CNTNAP5: variants seen among roughly 807,000 people sequenced by gnomAD.
CNTNAP5 encodes the protein contactin-associated protein-like 5.
CNTNAP5 carries 72 observed loss-of-function variants against 150.2 expected under a neutral mutation model. That is an observed-to-expected ratio of 0.48 (90% CI 0.40 to 0.58). The LOEUF is 0.58. CNTNAP5 is among the 20% of genes least tolerant of loss of function. The pLI, the probability that CNTNAP5 is intolerant of heterozygous loss-of-function variation, is 0.00. For synonymous variants in CNTNAP5, 672 were observed against 619.8 expected (o/e 1.08, Z -1.25); for missense variants, 1,636 against 1,626.2 (o/e 1.01, Z -0.10).
At chr2:124,834,775 T>C (rs1682794176) in intron 19 of CNTNAP5, among the ~76,000 whole-genome samples, 1 of 123,638 alleles carries the variant, frequency 8.1e-6, no homozygotes, top group Admixed American at 1.0e-4. Context: ...TAAAGATACC[T>C]TTAAAATATT....
chr2:124,769,406 C>T (rs973054753), intron 16 of CNTNAP5, among the ~76,000 whole-genome samples: 7 of 151,918 alleles, frequency 4.6e-5, no homozygotes, highest in African/African-American at 1.5e-4. Context: ...CCCTGAAAGG[C>T]TAAGACTCCT....
chr2:124,756,220 C>A (rs1172696803), intron 14 of CNTNAP5, among the ~76,000 whole-genome samples: 2 of 152,092 alleles, frequency 1.3e-5, no homozygotes, highest in Non-Finnish European at 2.9e-5. Context: ...CAATGAGATA[C>A]CATCTTATAC....
chr2:124,370,507 A>G (rs974412992), intron 3 of CNTNAP5, among the ~76,000 whole-genome samples: 1 of 152,174 alleles, frequency 6.6e-6, no homozygotes, highest in Non-Finnish European at 1.5e-5. Flanking sequence ...ACAGCTCTGG[A>G]CAGCAACTTT....
intron 3 of CNTNAP5, among the ~76,000 whole-genome samples, chr2:124,290,892 T>A (rs947462963): frequency 2.7e-5 from 4 of 150,930 alleles, no homozygotes; most frequent in Non-Finnish European, 4.4e-5. Context: ...ATTTATTTAT[T>A]TATTTATTTA....
At chr2:124,121,948 T>C (rs1224225189) in intron 1 of CNTNAP5, among the ~76,000 whole-genome samples, 2 of 152,190 alleles carry the variant, frequency 1.3e-5, no homozygotes, top group African/African-American at 2.4e-5. Context: ...CACCATTAAT[T>C]AGATTAATTG....
chr2:124,423,362 C>T (rs1692155897), intron 4 of CNTNAP5, among the ~76,000 whole-genome samples: 1 of 152,136 alleles, frequency 6.6e-6, no homozygotes, highest in Non-Finnish European at 1.5e-5. Context: ...CACATCTCAT[C>T]TGTATGTCCA....
intron 3 of CNTNAP5, among the ~76,000 whole-genome samples, chr2:124,266,186 C>T (rs1206993150): frequency 6.6e-6 from 1 of 152,140 alleles, no homozygotes; most frequent in African/African-American, 2.4e-5. Flanking sequence ...ATCCAATGGC[C>T]ATTGATATTA....
At chr2:124,491,150 G>C (rs1694014431) in intron 7 of CNTNAP5, among the ~76,000 whole-genome samples, 2 of 152,042 alleles carry the variant, frequency 1.3e-5, no homozygotes, top group Admixed American at 1.3e-4. Context: ...CTGTAAATTA[G>C]ATCCCAGGAA....
chr2:124,320,010 C>A (rs1240838953), intron 3 of CNTNAP5, among the ~76,000 whole-genome samples: 1 of 152,202 alleles, frequency 6.6e-6, no homozygotes, highest in East Asian at 1.9e-4. Context: ...CCAACTGATT[C>A]TGTTTTAATG....
chr2:124,743,543 G>A (rs998058233), intron 13 of CNTNAP5, among the ~76,000 whole-genome samples: 2 of 152,112 alleles, frequency 1.3e-5, no homozygotes, highest in Admixed American at 1.3e-4. Flanking sequence ...GGAGACAGGG[G>A]TTGCAGCTCA....
intron 19 of CNTNAP5, among the ~76,000 whole-genome samples, chr2:124,860,459 C>T (rs1240330918): frequency 2.5e-4 from 6 of 24,016 alleles, no homozygotes; most frequent in African/African-American, 7.8e-4. Flanking sequence ...TTCTTTCCTT[C>T]CTTCCTTCCT....
At chr2:124,633,745 A>C (rs1320593741) in intron 12 of CNTNAP5, among the ~76,000 whole-genome samples, 3 of 152,194 alleles carry the variant, frequency 2.0e-5, no homozygotes, top group African/African-American at 7.2e-5. Context: ...TTGCCTGGAC[A>C]TACAGGCTTT....
chr2:124,883,244 T>C (rs1028038947), intron 21 of CNTNAP5, among the ~76,000 whole-genome samples: 4 of 151,904 alleles, frequency 2.6e-5, no homozygotes, highest in African/African-American at 9.7e-5. Context: ...GTATTTTGTA[T>C]AGAGATGGGC....
intron 12 of CNTNAP5, among the ~76,000 whole-genome samples, chr2:124,640,652 T>C (rs143252408): frequency 1.2e-4 from 18 of 152,260 alleles, no homozygotes; most frequent in Non-Finnish European, 1.3e-4. Context: ...TTTACACCAA[T>C]TGTCTCCCTT....
chr2:124,894,810 C>T (rs954034378), intron 21 of CNTNAP5, among the ~76,000 whole-genome samples: 3 of 151,376 alleles, frequency 2.0e-5, no homozygotes, highest in African/African-American at 7.4e-5. Flanking sequence ...GCCTTGGCTT[C>T]CCAAAGTACT....
At chr2:124,696,387 A>G (rs546847640) in intron 13 of CNTNAP5, among the ~76,000 whole-genome samples, 1 of 152,278 alleles carries the variant, frequency 6.6e-6, no homozygotes, top group South Asian at 2.1e-4. Flanking sequence ...TTTCTATCCT[A>G]GAGAAATAAC....
At chr2:124,053,133 G>C (rs1681754386) in intron 1 of CNTNAP5, among the ~76,000 whole-genome samples, 1 of 151,922 alleles carries the variant, frequency 6.6e-6, no homozygotes, top group Non-Finnish European at 1.5e-5. Flanking sequence ...ATAAATGTTT[G>C]AGAACTGTCT....
chr2:124,448,308 G>A (rs919029306), intron 6 of CNTNAP5, among the ~76,000 whole-genome samples: 1 of 131,754 alleles, frequency 7.6e-6, no homozygotes, highest in African/African-American at 2.8e-5. Context: ...ATAAAGTTAT[G>A]TAAACTTGAA....
chr2:124,742,623 C>T (rs1680520364), intron 13 of CNTNAP5, among the ~76,000 whole-genome samples: 1 of 135,076 alleles, frequency 7.4e-6, no homozygotes, highest in Non-Finnish European at 1.7e-5. Flanking sequence ...ATTACACGCA[C>T]AGACACACAC....
Sources: gnomAD v4.1 joint callset for allele counts (sites outside exome capture counted in the v4.1 genomes callset) on GRCh38, gnomAD v4.1.1 for gene constraint, MANE v1.5 for transcripts, NCBI Gene and HGNC (gene_info 2026-07-23, HGNC 2026-07-21) for gene names.